EDIL3: variants seen among roughly 807,000 people sequenced by gnomAD.
EDIL3 encodes the protein EGF-like repeat and discoidin I-like domain-containing protein 3.
A neutral mutation model predicts 67.4 loss-of-function variants in EDIL3; 37 were observed. The observed-to-expected ratio is 0.55, with a 90% CI of 0.42 to 0.72. EDIL3 has a LOEUF of 0.72. Among genes scored for constraint, EDIL3 ranks in the 30% least tolerant of loss-of-function variants. EDIL3 has a pLI of 0.00. For missense variants in EDIL3, 527 were observed against 586.3 expected, an observed-to-expected ratio of 0.90 and a Z score of 1.04; for synonymous variants, 195 against 196.3, an observed-to-expected ratio of 0.99 and a Z score of 0.05.
chr5:83,977,571 T>A (rs988020212), intron 9 of EDIL3, among the ~76,000 whole-genome samples: 1 of 151,868 alleles, frequency 6.6e-6, no homozygotes, highest in Non-Finnish European at 1.5e-5. Flanking sequence ...TAATTATAAG[T>A]CTATTCAAGA....
At chr5:84,204,070 A>G (rs1234365451) in intron 3 of EDIL3, among the ~76,000 whole-genome samples, 1 of 152,178 alleles carries the variant, frequency 6.6e-6, no homozygotes, top group Non-Finnish European at 1.5e-5. Context: ...AAAACTAGTG[A>G]AAGCAAAACT....
At chr5:84,260,028 C>T (rs542393565) in intron 1 of EDIL3, among the ~76,000 whole-genome samples, 23 of 152,260 alleles carry the variant, frequency 1.5e-4, no homozygotes, top group Admixed American at 1.3e-3. Context: ...ATTTTGTTCA[C>T]TGATAATTAA....
At chr5:83,956,139 T>G (rs1327927987) in intron 10 of EDIL3, among the ~76,000 whole-genome samples, 1 of 151,716 alleles carries the variant, frequency 6.6e-6, no homozygotes, top group Non-Finnish European at 1.5e-5. Flanking sequence ...GCACTTACAT[T>G]GGGCACTAGC....
chr5:84,356,889 C>CTTTTTTT lies in EDIL3; in HGVS notation c.67+27412_67+27418dup, dbSNP rs1189590387. Reference sequence around the variant, plus strand: ...GACCTTGAGAAAACAATCTTTCTTTCTTTTTTTTTTTTTTTTTTTTTTTTT... The same window carrying CTTTTTTT: ...GACCTTGAGAAAACAATCTTTCTTTCTTTTTTTTTTTTTTTTTTTTTTTTTTTTTTTT... On this transcript the variant is annotated intron_variant, in intron 1 of 10. Transcript: ENST00000296591. Among the ~76,000 whole-genome samples the CTTTTTTT allele has an allele frequency of 6.1e-3, 197 of 32,098 alleles. 23 individuals carry two copies. Among genetic ancestry groups the CTTTTTTT allele is most frequent in the Non-Finnish European group, 0.011 (167 of 15,592 alleles). The allele number at this position is 32,098 out of a possible 152,430, so 21.1% of individuals were successfully genotyped here. A position where few individuals can be genotyped will look rare whatever the true frequency, so the allele number is the denominator to read the frequency against.
intron 6 of EDIL3, among the ~76,000 whole-genome samples, chr5:84,087,675 C>T (rs1747096548): frequency 6.6e-6 from 1 of 152,140 alleles, no homozygotes; most frequent in Admixed American, 6.5e-5. Flanking sequence ...TATTCCTGCC[C>T]TCATGCAGCT....
At chr5:84,213,649 A>C (rs951764391) in intron 3 of EDIL3, among the ~76,000 whole-genome samples, 1 of 152,310 alleles carries the variant, frequency 6.6e-6, no homozygotes, top group South Asian at 2.1e-4. Flanking sequence ...GAGAAAGAAA[A>C]AACAGGTGAG....
intron 1 of EDIL3, among the ~76,000 whole-genome samples, chr5:84,376,561 A>G (rs927832762): frequency 3.9e-4 from 60 of 152,368 alleles, no homozygotes; most frequent in African/African-American, 1.3e-3. Flanking sequence ...GAGTGTTGAG[A>G]AATATTTTCA....
At chr5:84,153,005 T>A (rs1289507487) in intron 4 of EDIL3, among the ~76,000 whole-genome samples, 1 of 152,326 alleles carries the variant, frequency 6.6e-6, no homozygotes, top group East Asian at 1.9e-4. Flanking sequence ...TTTGTACAGA[T>A]AAGCACAACT....
intron 9 of EDIL3, among the ~76,000 whole-genome samples, chr5:84,042,476 T>C (rs907202815): frequency 6.6e-6 from 1 of 152,088 alleles, no homozygotes; most frequent in Non-Finnish European, 1.5e-5. Context: ...GACATGGGGT[T>C]TCACCACATT....
intron 9 of EDIL3, among the ~76,000 whole-genome samples, chr5:84,051,405 T>G (rs1746336014): frequency 6.6e-6 from 1 of 152,082 alleles, no homozygotes; most frequent in African/African-American, 2.4e-5. Flanking sequence ...AGAGCACCTC[T>G]CCTCCTGCAA....
chr5:84,208,267 C>T (rs970600976), intron 3 of EDIL3, among the ~76,000 whole-genome samples: 3 of 152,280 alleles, frequency 2.0e-5, no homozygotes, highest in Admixed American at 6.5e-5. Flanking sequence ...CAAAAGAAGA[C>T]ATTTATGCAG....
intron 1 of EDIL3, among the ~76,000 whole-genome samples, chr5:84,376,784 T>C (rs1306507732): frequency 6.6e-6 from 1 of 152,222 alleles, no homozygotes; most frequent in Non-Finnish European, 1.5e-5. Context: ...TTGGGTCTTC[T>C]TGTTTGTTTT....
At chr5:84,355,380 C>CCTCTAA (rs998100400) in intron 1 of EDIL3, among the ~76,000 whole-genome samples, 3 of 151,976 alleles carry the variant, frequency 2.0e-5, no homozygotes, top group Non-Finnish European at 4.4e-5. Flanking sequence ...GTTAGCAATT[C>CCTCTAA]CTCTAACCTT....
intron 10 of EDIL3, 41 bp downstream of exon 10, chr5:83,963,164 C>T: frequency 6.5e-7 from 1 of 1,548,446 alleles, no homozygotes; most frequent in Non-Finnish European, 8.7e-7. Context: ...GTAATTTGAT[C>T]CTCCACTTCT....
intron 1 of EDIL3, among the ~76,000 whole-genome samples, chr5:84,359,706 G>C (rs1302506497): frequency 6.6e-6 from 1 of 152,118 alleles, no homozygotes; most frequent in African/African-American, 2.4e-5. Flanking sequence ...GAGGAAACGG[G>C]GTTATTCAGC....
chr5:84,291,776 C>CT (rs1745927706), intron 1 of EDIL3, among the ~76,000 whole-genome samples: 1 of 144,578 alleles, frequency 6.9e-6, no homozygotes, highest in Non-Finnish European at 1.5e-5. Flanking sequence ...ATCTATATAT[C>CT]ATATACAGAT....
rs1445792589 is a variant in EDIL3, at chr5:84,229,816, C to T, written c.226+39G>A. 8 of 1,551,848 alleles carry T rather than the reference C, an allele frequency of 5.2e-6. No homozygotes were observed. In the Admixed American group the frequency reaches 5.5e-5, roughly 11 times the overall value. On this transcript the variant is annotated intron_variant, in intron 3 of 10. Transcript: ENST00000296591. ...TGACTCTCTATTATTAAAGGCATGA[C>T]ATTAAATAAGAATTATGTTTACAAC... is the stretch of plus-strand genomic sequence containing the variant.
intron 1 of EDIL3, among the ~76,000 whole-genome samples, chr5:84,301,140 T>C (rs1197938702): frequency 2.0e-5 from 3 of 152,016 alleles, no homozygotes; most frequent in Non-Finnish European, 2.9e-5. Context: ...TGGTGGCTCA[T>C]GCCTGTAATC....
chr5:84,241,180 G>A (rs1744786452), intron 2 of EDIL3, among the ~76,000 whole-genome samples: 1 of 152,132 alleles, frequency 6.6e-6, no homozygotes, highest in African/African-American at 2.4e-5. Context: ...TCAAATGTAA[G>A]TATTTAAAAG....
Sources: gnomAD v4.1 joint callset for allele counts (sites outside exome capture counted in the v4.1 genomes callset) on GRCh38, gnomAD v4.1.1 for gene constraint, MANE v1.5 for transcripts, NCBI Gene and HGNC (gene_info 2026-07-23, HGNC 2026-07-21) for gene names.